The following NSD2 variants were observed in gnomAD, a reference collection of about 807,000 sequenced individuals.
The protein encoded by NSD2 is histone-lysine N-methyltransferase NSD2.
In NSD2, 12 loss-of-function variants were observed where a neutral mutation model predicts 139.0. That is an observed-to-expected ratio of 0.09 (90% CI 0.06 to 0.14). NSD2 has a LOEUF of 0.14. NSD2 is among the 10% of genes least tolerant of loss of function. The probability of loss-of-function intolerance (pLI) is 1.00; values close to 1 mark genes in which losing one functional copy is unlikely to be tolerated. For synonymous variants in NSD2, 669 were observed against 648.7 expected (o/e 1.03, Z -0.48); for missense variants, 1,155 against 1,745.0 (o/e 0.66, Z 6.02).
chr4:1,952,335 C>T, intron 11 of NSD2, 104 bp downstream of exon 11: 1 of 1,515,098 alleles, frequency 6.6e-7, no homozygotes, highest in Non-Finnish European at 8.9e-7. Flanking sequence ...GACAAGCCCC[C>T]TCCCCACCCC....
rs515582 is a variant in NSD2, at chr4:1,978,745, G to A, written c.3934G>A (p.Ala1312Thr). Residue 1312 changes from alanine to threonine, a missense_variant, in exon 22 of 22, where the codon GCC becomes ACC. Ala to Thr is a moderately conservative substitution (Grantham distance 58). This residue lies in a region of NSD2 where 132 missense variants were observed against 94.3 expected (regional missense o/e 1.40). Transcript: ENST00000508803. Reference protein sequence around the residue: ...SFCKEHQDGTAFSCTPDGRSY... With the variant: ...SFCKEHQDGTTFSCTPDGRSY... ...CTGTAAGGAGCACCAGGACGGGACA[G>A]CCTTCAGCTGCACCCCGGACGGGCG... 6 of 1,614,046 alleles carry A rather than the reference G, an allele frequency of 3.7e-6. No individual in the cohort carries two copies. Among genetic ancestry groups the A allele is most frequent in the African/African-American group, 2.7e-5 (2 of 74,936 alleles).
At chr4:1,929,185 T>G (rs1299644098) in intron 5 of NSD2, among the ~76,000 whole-genome samples, 3 of 151,738 alleles carry the variant, frequency 2.0e-5, no homozygotes, top group Non-Finnish European at 4.4e-5. Flanking sequence ...AGCACATGAC[T>G]CATCCAGGCA....
intron 18 of NSD2, among the ~76,000 whole-genome samples, chr4:1,968,586 G>A (rs1726122400): frequency 6.6e-6 from 1 of 152,184 alleles, no homozygotes; most frequent in African/African-American, 2.4e-5. Flanking sequence ...AGAACCTGCG[G>A]GAGGAAGATG....
chr4:1,928,710 C>T (rs1490678646), intron 5 of NSD2, among the ~76,000 whole-genome samples: 1 of 151,080 alleles, frequency 6.6e-6, no homozygotes, highest in Non-Finnish European at 1.5e-5. Flanking sequence ...ACTGGGGGCT[C>T]TGGAGTCATG....
At chr4:1,963,460 T>TCG (rs1443008143) in intron 18 of NSD2, among the ~76,000 whole-genome samples, 1 of 152,114 alleles carries the variant, frequency 6.6e-6, no homozygotes, top group East Asian at 1.9e-4. Context: ...GCAGGGAGGT[T>TCG]ATTTGTTAGA....
intron 3 of NSD2, among the ~76,000 whole-genome samples, chr4:1,914,340 T>G (rs1403936310): frequency 6.9e-6 from 1 of 144,344 alleles, no homozygotes; most frequent in Non-Finnish European, 1.5e-5. Flanking sequence ...TGCTACTTTT[T>G]TTTTGAGATG....
In NSD2 at chr4:1,945,421, C is replaced by G. The variant is rs536310262; in HGVS notation, c.1881+5643C>G. The G allele has an allele frequency of 3.4e-5, 36 of 1,064,076 alleles. No homozygotes were observed. In the African/African-American group the frequency reaches 5.4e-4, roughly 16 times the overall value. The allele number at this position is 1,064,076 out of a possible 1,614,324, so 65.9% of individuals were successfully genotyped here. On this transcript the variant is annotated intron_variant, in intron 9 of 21. Coordinates refer to ENST00000508803, the MANE Select transcript of NSD2 (RefSeq NM_001042424.3). The stretch of plus-strand genomic sequence containing the variant: ...GTGTCCAGAGGTGTGTGTGAGGCTG[C>G]CAGAACAAGTGCTGGGTCTGTCACA...
intron 9 of NSD2, among the ~76,000 whole-genome samples, chr4:1,949,489 G>A (rs1723985272): frequency 6.6e-6 from 1 of 152,128 alleles, no homozygotes; most frequent in South Asian, 2.1e-4. Context: ...CTGGCTGGGT[G>A]CGGTGGCTCA....
At chr4:1,922,275 A>T (rs896086493) in intron 5 of NSD2, among the ~76,000 whole-genome samples, 2 of 152,262 alleles carry the variant, frequency 1.3e-5, no homozygotes, top group Admixed American at 1.3e-4. Context: ...AGGATATAAA[A>T]TTAACATACA....
intron 7 of NSD2, among the ~76,000 whole-genome samples, chr4:1,937,314 A>G (rs927707762): frequency 1.3e-5 from 2 of 152,078 alleles, no homozygotes; most frequent in African/African-American, 4.8e-5. Context: ...TCCACCTCCC[A>G]AAGTGCTGGG....
chr4:1,947,676 A>T (rs1723771331), intron 9 of NSD2: 1 of 1,055,014 alleles, frequency 9.5e-7, no homozygotes, highest in Non-Finnish European at 1.1e-6. Flanking sequence ...GGCTGTTGTC[A>T]TTTGTAAACG....
intron 6 of NSD2, among the ~76,000 whole-genome samples, chr4:1,932,018 A>G (rs1419991229): frequency 6.6e-6 from 1 of 152,204 alleles, no homozygotes; most frequent in Non-Finnish European, 1.5e-5. Flanking sequence ...TTCTGCCCAC[A>G]GTGTGTGTCA....
chr4:1,931,394 C>T (rs2108858386), intron 6 of NSD2, among the ~76,000 whole-genome samples: 1 of 152,216 alleles, frequency 6.6e-6, no homozygotes, highest in Middle Eastern at 3.4e-3. Context: ...GGAGGGAGAG[C>T]TGACATTGTA....
In NSD2 at chr4:1,956,023, C is replaced by T. The variant is rs1724769997; in HGVS notation, c.2716C>T (p.Pro906Ser). ...AEVCHPKNVP[P>S]NIQKMKHEIG... ...AGTTTGCCATCCCAAAAATGTTCCC[C>T]CAAATATTCAGAAAATGAAGCACGA... Residue 906 changes from proline (P) to serine (S), a missense_variant, in exon 15 of 22, where the codon CCA becomes TCA. Physicochemically the swap from Pro to Ser is moderately conservative, Grantham distance 74. Transcript: ENST00000508803. The surrounding 1 kb of genome is among the most constrained non-coding windows in gnomAD (Gnocchi z 5.3). 4.3e-6 allele frequency: 7 copies of T among 1,614,014 alleles called. No individual in the cohort carries two copies. The highest frequency in any genetic ancestry group is 5.9e-6 in the Non-Finnish European group (7 of 1,180,038).
intron 1 of NSD2, among the ~76,000 whole-genome samples, chr4:1,877,090 T>G (rs1714317591): frequency 2.0e-5 from 3 of 152,004 alleles, no homozygotes; most frequent in Admixed American, 2.0e-4. Flanking sequence ...TGAGCCGAGA[T>G]CATGCTACTG....
intron 1 of NSD2, among the ~76,000 whole-genome samples, chr4:1,881,528 G>T (rs1714693794): frequency 6.6e-6 from 1 of 152,132 alleles, no homozygotes; most frequent in African/African-American, 2.4e-5. Flanking sequence ...CTCCCAAAGT[G>T]CTGGGATTAC....
At chr4:1,877,336 T>C (rs985236437) in intron 1 of NSD2, among the ~76,000 whole-genome samples, 2 of 152,188 alleles carry the variant, frequency 1.3e-5, no homozygotes, top group South Asian at 2.1e-4. Context: ...AGATGTCCTA[T>C]GTGTCCCCAG....
chr4:1,979,214 G>C lies in NSD2; in HGVS notation c.*305G>C. The C allele has an allele frequency of 3.0e-6, 1 of 333,794 alleles. No individual in the cohort carries two copies. The highest frequency in any genetic ancestry group is 5.4e-6 in the Non-Finnish European group (1 of 184,638). 20.7% of individuals were successfully genotyped at this position (333,794 alleles called of 1,614,324 possible). On this transcript the variant is annotated 3_prime_UTR_variant, in exon 22 of 22. Transcript: ENST00000508803. ...GGTTCCCTCCCACTCTATTTTTTTA[G>C]GTTAAAGTTAATTGGCATATGGAAT... is the stretch of plus-strand genomic sequence containing the variant.
intron 17 of NSD2, 105 bp downstream of exon 17, chr4:1,959,845 T>G: frequency 6.7e-7 from 1 of 1,481,982 alleles, no homozygotes; most frequent in Middle Eastern, 2.4e-4. Flanking sequence ...AGAATGGTAT[T>G]TTTTGGAAAA....
Sources: gnomAD v4.1 joint callset for allele counts (sites outside exome capture counted in the v4.1 genomes callset) on GRCh38, gnomAD v4.1.1 for gene constraint, gnomAD v4.1.1 regional missense constraint, Gnocchi (gnomAD v3.1) non-coding constraint, MANE v1.5 for transcripts, NCBI Gene and HGNC (gene_info 2026-07-23, HGNC 2026-07-21) for gene names.